ACAD10: variants seen among roughly 807,000 people sequenced by gnomAD.
ACAD10 encodes the protein acyl-CoA dehydrogenase family member 10.
A neutral mutation model predicts 116.8 loss-of-function variants in ACAD10; 112 were observed. That is an observed-to-expected ratio of 0.96 (90% CI 0.82 to 1.12). ACAD10 has a LOEUF of 1.12. Among genes scored for constraint, ACAD10 ranks in the 50% most tolerant of loss-of-function variants. The probability of loss-of-function intolerance (pLI) is 0.00; values close to 1 mark genes in which losing one functional copy is unlikely to be tolerated. For missense variants in ACAD10, 1,259 were observed against 1,350.2 expected, an observed-to-expected ratio of 0.93 and a Z score of 1.06; for synonymous variants, 486 against 510.6, an observed-to-expected ratio of 0.95 and a Z score of 0.65.
chr12:111,705,695 C>G (rs1259658500), intron 3 of ACAD10, 43 bp from the exon 4 acceptor site: 12 of 1,558,198 alleles, frequency 7.7e-6, no homozygotes, highest in East Asian at 2.3e-5. Context: ...GTGTTTGTCA[C>G]TCTTAATGAT....
At chr12:111,697,624 G>A (rs1429189087) in intron 2 of ACAD10, among the ~76,000 whole-genome samples, 11 of 138,456 alleles carry the variant, frequency 7.9e-5, no homozygotes, top group African/African-American at 1.4e-4. Flanking sequence ...TTGCTCTGTC[G>A]CCCAGGTTGG....
chr12:111,712,407 T>C (rs1888711217), intron 5 of ACAD10, 91 bp from the exon 6 acceptor site: 1 of 1,197,842 alleles, frequency 8.3e-7, no homozygotes, highest in African/African-American at 1.5e-5. Context: ...ATTAAAAATA[T>C]ATACGTGTAT....
chr12:111,710,228 G>A (rs1946956475), intron 5 of ACAD10: 1 of 448,188 alleles, frequency 2.2e-6, no homozygotes, highest in Admixed American at 2.4e-5. Context: ...TAGCTGACCA[G>A]AGGCATACAC....
At chr12:111,698,098 T>A (rs529404923) in intron 2 of ACAD10, among the ~76,000 whole-genome samples, 2 of 151,296 alleles carry the variant, frequency 1.3e-5, no homozygotes, top group East Asian at 3.9e-4. Context: ...TGGTTCAAGC[T>A]ATTCTCCTTC....
intron 2 of ACAD10, among the ~76,000 whole-genome samples, chr12:111,695,108 G>A (rs1053203687): frequency 2.0e-5 from 3 of 152,166 alleles, no homozygotes; most frequent in African/African-American, 7.2e-5. Flanking sequence ...GCCTGCATGT[G>A]GTCCCCTAGA....
intron 18 of ACAD10, chr12:111,753,565 G>A (rs1055768050): frequency 1.4e-6 from 1 of 732,584 alleles, no homozygotes. Flanking sequence ...TGGCACACGT[G>A]AAGGTTGTGT....
chr12:111,734,148 C>T (rs913500731), intron 11 of ACAD10, 80 bp downstream of exon 11: 26 of 1,588,532 alleles, frequency 1.6e-5, no homozygotes, highest in Non-Finnish European at 1.9e-5. Context: ...TGAAGTAGTC[C>T]GTGATTGGGC....
At chr12:111,697,883 C>CT (rs1204540303) in intron 2 of ACAD10, among the ~76,000 whole-genome samples, 2 of 149,382 alleles carry the variant, frequency 1.3e-5, no homozygotes, top group Non-Finnish European at 3.0e-5. Context: ...TGGGCCTGGC[C>CT]TTTTTTTTCC....
chr12:111,737,002 C>G lies in ACAD10; in HGVS notation c.1712C>G (p.Thr571Arg). Residue 571 changes from threonine (T) to arginine (R), a missense_variant and splice_region_variant, in exon 12 of 21, where the codon ACA becomes AGA. Physicochemically the swap from Thr to Arg is moderately conservative, Grantham distance 71 (BLOSUM62 -1). Transcript: ENST00000313698. Reference protein sequence around the residue: ...ILQGVYKRSLTGQASSTYAEQ... With the variant: ...ILQGVYKRSLRGQASSTYAEQ... ...CAGGGAGTCTACAAGCGATCACTCA[C>G]AGGTAATGGGATGGCTGCCCTGAAG... The G allele has an allele frequency of 6.2e-7, 1 of 1,613,288 alleles. No homozygotes were observed. Among genetic ancestry groups the G allele is most frequent in the South Asian group, 1.1e-5 (1 of 90,998 alleles).
rs969931327 is a variant in ACAD10, at chr12:111,749,272, G to T, written c.2744G>T (p.Gly915Val). 21 of 1,613,958 alleles carry T rather than the reference G, an allele frequency of 1.3e-5. No homozygotes were observed. Among genetic ancestry groups the T allele is most frequent in the Non-Finnish European group, 1.8e-5 (21 of 1,180,038 alleles). The change falls in exon 18 of 21, where the codon GGC (glycine) becomes GTC (valine). Residue 915 changes from glycine (G) to valine (V), a missense_variant. Transcript: ENST00000313698. ...TTTGAGATCGCCCAGGGCAGACTGG[G>T]CCCCGGCAGGATCCATCACTGCATG... ...RGFEIAQGRL[G>V]PGRIHHCMRL...
chr12:111,748,888 A>G, intron 17 of ACAD10: 1 of 991,278 alleles, frequency 1.0e-6, no homozygotes, highest in Non-Finnish European at 1.5e-6. Context: ...TCATAGGATC[A>G]CTACATTGTC....
intron 8 of ACAD10, among the ~76,000 whole-genome samples, chr12:111,727,648 C>A (rs1280301558): frequency 6.6e-6 from 1 of 152,168 alleles, no homozygotes; most frequent in African/African-American, 2.4e-5. Context: ...ATTCCTGTGG[C>A]TTACACAAAT....
chr12:111,740,094 G>A (rs560538320), intron 12 of ACAD10, among the ~76,000 whole-genome samples: 25 of 152,226 alleles, frequency 1.6e-4, no homozygotes, highest in African/African-American at 5.8e-4. Context: ...GGCTGGCATC[G>A]ATCATTGCGG....
chr12:111,711,294 G>A (rs2135957308), intron 5 of ACAD10, among the ~76,000 whole-genome samples: 1 of 152,216 alleles, frequency 6.6e-6, no homozygotes, highest in Admixed American at 6.5e-5. Context: ...TCCACCTCCT[G>A]GGTTCACGCC....
At chr12:111,698,665 C>T (rs532608310) in intron 2 of ACAD10, among the ~76,000 whole-genome samples, 15 of 151,206 alleles carry the variant, frequency 9.9e-5, no homozygotes, top group Middle Eastern at 3.4e-3. Flanking sequence ...TTAGTAGAGA[C>T]GGAGTTTCTC....
At chr12:111,749,375 A>G (rs1267727059) in intron 18 of ACAD10, 30 bp downstream of exon 18, 1 of 1,588,248 alleles carries the variant, frequency 6.3e-7, no homozygotes, top group Admixed American at 1.7e-5. Context: ...CCCAGCACTG[A>G]CTCAGAACCA....
intron 12 of ACAD10, among the ~76,000 whole-genome samples, chr12:111,738,909 TG>T (rs1236432949): frequency 1.5e-5 from 2 of 136,418 alleles, no homozygotes; most frequent in Non-Finnish European, 3.0e-5. Flanking sequence ...CCATGAGTAG[TG>T]ATACAAAAAC....
intron 7 of ACAD10, among the ~76,000 whole-genome samples, chr12:111,718,305 T>C (rs1888909222): frequency 6.6e-6 from 1 of 152,144 alleles, no homozygotes; most frequent in African/African-American, 2.4e-5. Flanking sequence ...TGCCTCGGCC[T>C]CCCAAAGTGC....
intron 11 of ACAD10, among the ~76,000 whole-genome samples, chr12:111,735,880 C>T (rs1889542304): frequency 6.6e-6 from 1 of 151,164 alleles, no homozygotes; most frequent in African/African-American, 2.4e-5. Flanking sequence ...CCCTCTGTCA[C>T]TCGTTTTATT....
Sources: gnomAD v4.1 joint callset for allele counts (sites outside exome capture counted in the v4.1 genomes callset) on GRCh38, gnomAD v4.1.1 for gene constraint, MANE v1.5 for transcripts, NCBI Gene and HGNC (gene_info 2026-07-23, HGNC 2026-07-21) for gene names.